Variants in WDR74 observed in about 807,000 individuals in gnomAD.
WDR74 encodes WD repeat-containing protein 74.
In WDR74, 31 loss-of-function variants were observed where a neutral mutation model predicts 45.6. The ratio of observed to expected loss-of-function variants is 0.68; its 90% CI spans 0.51 to 0.92. The LOEUF (loss-of-function observed/expected upper bound fraction) is 0.92, where lower values mean the gene tolerates loss of function less well. WDR74 is among the 40% of genes least tolerant of loss of function. The pLI, the probability that WDR74 is intolerant of heterozygous loss-of-function variation, is 0.00. For missense variants in WDR74, 455 were observed against 497.2 expected (o/e 0.92, Z 0.81); for synonymous variants, 191 against 192.4 (o/e 0.99, Z 0.06).
intron 10 of WDR74, among the ~76,000 whole-genome samples, 192 bp from the exon 11 acceptor site, chr11:62,833,323 A>G (rs12788570): frequency 6.8e-6 from 1 of 147,660 alleles, no homozygotes; most frequent in Non-Finnish European, 1.5e-5. Context: ...AAAAAAAAAA[A>G]GAAAAGTAGT....
intron 3 of WDR74, among the ~76,000 whole-genome samples, chr11:62,837,860 C>A (rs1206222565): frequency 6.6e-6 from 1 of 152,222 alleles, no homozygotes; most frequent in African/African-American, 2.4e-5. Context: ...AGAGCTACAT[C>A]ACCTTGTTGG....
At chr11:62,836,444 G>A (rs11231242) in intron 3 of WDR74, 15,304 of 188,176 alleles carry the variant, frequency 0.081, 781 homozygotes, top group East Asian at 0.15. Context: ...GTACTGGTCT[G>A]TCTGAATCTT....
At position 62,834,531 on chromosome 11, in the gene WDR74, G is replaced by C; in HGVS notation, c.619-4C>G. Reference sequence around the variant, plus strand: ...ATGCTGGATCATAAACACGGACCTAGAGGAAGGCTGAAGCATCACAAAAGT... The same window carrying C: ...ATGCTGGATCATAAACACGGACCTACAGGAAGGCTGAAGCATCACAAAAGT... On this transcript the variant is annotated splice_region_variant and splice_polypyrimidine_tract_variant and intron_variant, in intron 6 of 10. Transcript: ENST00000278856. 1 of 1,604,090 alleles carries C rather than the reference G, an allele frequency of 6.2e-7. No homozygotes were observed. The highest frequency in any genetic ancestry group is 8.5e-7 in the Non-Finnish European group (1 of 1,178,650).
rs780297098 is a variant in WDR74, at chr11:62,839,195, C to G, written c.212G>C (p.Ser71Thr). The G allele has an allele frequency of 1.1e-5, 17 of 1,613,628 alleles. No individual in the cohort carries two copies. In the South Asian group the frequency reaches 1.8e-4, roughly 17 times the overall value. ...ACCCTGGAATATGCCATCCTCGGTGCTGAAGTGCTTCACCGTCCTGTCCGC... is the reference window on the plus strand; with the variant it reads ...ACCCTGGAATATGCCATCCTCGGTGGTGAAGTGCTTCACCGTCCTGTCCGC... ...GCADRTVKHF[S>T]TEDGIFQGQR... Residue 71 changes from serine (S) to threonine (T), a missense_variant, in exon 3 of 11, where the codon AGC (serine) becomes ACC (threonine). By Grantham distance (58) the Ser-to-Thr change is moderately conservative (BLOSUM62 1). Coordinates refer to ENST00000278856, the MANE Select transcript of WDR74 (RefSeq NM_001369450.1).
intron 3 of WDR74, chr11:62,836,478 G>C (rs962794881): frequency 1.2e-5 from 2 of 168,260 alleles, no homozygotes; most frequent in Non-Finnish European, 2.6e-5. Context: ...GGGCTGGTCT[G>C]AATTTAGGGC....
chr11:62,839,689 G>A, upstream of WDR74: 1 of 1,236,596 alleles, frequency 8.1e-7, no homozygotes, highest in South Asian at 1.5e-5. Flanking sequence ...AAACAGTAAA[G>A]CTTCCATGCT....
chr11:62,833,297 A>T (rs1295556477), intron 10 of WDR74, among the ~76,000 whole-genome samples, 166 bp from the exon 11 acceptor site: 51 of 109,024 alleles, frequency 4.7e-4, no homozygotes, highest in Admixed American at 7.5e-4. Flanking sequence ...AAAGAAGTTT[A>T]AAAAAAAAAA....
intron 6 of WDR74, chr11:62,834,908 G>A: frequency 3.9e-6 from 1 of 253,456 alleles, no homozygotes; most frequent in African/African-American, 2.2e-5. Flanking sequence ...TTTGAGCAGA[G>A]GCATATGACC....
At chr11:62,839,614 G>A, upstream of WDR74, 1 of 1,563,250 alleles carries the variant, frequency 6.4e-7, no homozygotes, top group South Asian at 1.2e-5. Context: ...GGCGCAGCGT[G>A]TGCGTCACCA....
intron 3 of WDR74, among the ~76,000 whole-genome samples, chr11:62,837,357 C>T (rs143132183): frequency 0.014 from 2,174 of 151,588 alleles, 30 homozygotes; most frequent in South Asian, 0.037. Context: ...CTTAGCTGGG[C>T]GTGGTGGCGG....
chr11:62,839,678 G>T, upstream of WDR74: 1 of 1,343,494 alleles, frequency 7.4e-7, no homozygotes, highest in Admixed American at 2.4e-5. Context: ...TTGAAGAGCC[G>T]AAACAGTAAA....
chr11:62,835,204 T>G, intron 6 of WDR74: 1 of 545,922 alleles, frequency 1.8e-6, no homozygotes, highest in Non-Finnish European at 3.3e-6. Flanking sequence ...TCCACTCTCC[T>G]TTCCTCTCTT....
chr11:62,833,420 T>C, intron 10 of WDR74, 198 bp downstream of exon 10: 1 of 711,402 alleles, frequency 1.4e-6, no homozygotes, highest in East Asian at 2.8e-5. Context: ...TCCCTGCTCC[T>C]AGAAAGCAAC....
intron 8 of WDR74, 112 bp downstream of exon 8, chr11:62,834,164 G>A: frequency 6.5e-7 from 1 of 1,530,780 alleles, no homozygotes; most frequent in East Asian, 2.3e-5. Flanking sequence ...TTTAAACCCA[G>A]GCAATCTGGC....
upstream of WDR74, among the ~76,000 whole-genome samples, chr11:62,840,676 T>C (rs765593104): frequency 1.3e-5 from 2 of 150,802 alleles, no homozygotes; most frequent in Non-Finnish European, 2.9e-5. Flanking sequence ...AACGCGAAGA[T>C]TTATTTATTT....
chr11:62,833,480 C>T lies in WDR74; in HGVS notation c.978+138G>A, dbSNP rs2084907864. 41 of 1,058,164 alleles carry T rather than the reference C, an allele frequency of 3.9e-5. 1 individual carries two copies. In the South Asian group the frequency reaches 6.5e-4, roughly 17 times the overall value. The allele number at this position is 1,058,164 out of a possible 1,614,324, so 65.5% of individuals were successfully genotyped here. A position where few individuals can be genotyped will look rare whatever the true frequency, so the allele number is the denominator to read the frequency against. On this transcript the variant is annotated intron_variant, in intron 10 of 10. Coordinates refer to ENST00000278856, the MANE Select transcript of WDR74 (RefSeq NM_001369450.1). Reference sequence around the variant, plus strand: ...CCTCTCAGGATTTTAACTGTTAATGCCTCTCAGAGAAATTAAGTGACCAGG... The same window carrying T: ...CCTCTCAGGATTTTAACTGTTAATGTCTCTCAGAGAAATTAAGTGACCAGG...
chr11:62,837,476 A>T (rs2084975241), intron 3 of WDR74, among the ~76,000 whole-genome samples: 1 of 151,692 alleles, frequency 6.6e-6, no homozygotes, highest in Admixed American at 6.6e-5. Flanking sequence ...CAGCCTGGGC[A>T]ACAGAGTGAG....
intron 3 of WDR74, among the ~76,000 whole-genome samples, chr11:62,838,246 G>A (rs1350037049): frequency 6.6e-6 from 1 of 152,046 alleles, no homozygotes; most frequent in Admixed American, 6.5e-5. Context: ...TCTGCGGGAC[G>A]GATTCAAGCG....
At chr11:62,839,760 T>C (rs1338829935), upstream of WDR74, 7 of 713,038 alleles carry the variant, frequency 9.8e-6, no homozygotes, top group East Asian at 1.7e-4. Context: ...GAAGAATACA[T>C]TGATCATTTT....
Sources: allele counts gnomAD v4.1 joint callset (sites outside exome capture counted in the v4.1 genomes callset), GRCh38; gene constraint gnomAD v4.1.1; transcripts MANE v1.5; gene names NCBI Gene and HGNC (gene_info 2026-07-23, HGNC 2026-07-21).